Variants in TPD52 observed in about 807,000 individuals in gnomAD.
The protein encoded by TPD52 is prostate and colon associated protein.
Under a neutral mutation model 31.3 loss-of-function variants are expected in TPD52, and 17 were observed. The observed-to-expected ratio is 0.54, with a 90% CI of 0.37 to 0.82. The LOEUF (loss-of-function observed/expected upper bound fraction) is 0.82, where lower values mean the gene tolerates loss of function less well. Ranked by LOEUF, TPD52 falls within the 40% of genes least tolerant of loss-of-function variation. The pLI, the probability that TPD52 is intolerant of heterozygous loss-of-function variation, is 0.00. For missense variants in TPD52, 212 were observed against 240.1 expected (o/e 0.88, Z 0.77); for synonymous variants, 83 against 89.6 (o/e 0.93, Z 0.42).
At chr8:80,050,319 T>C (rs1363461062) in intron 5 of TPD52, 126 bp downstream of exon 5, 4 of 820,262 alleles carry the variant, frequency 4.9e-6, no homozygotes, top group Non-Finnish European at 7.3e-6. Context: ...GAGAAAAAGA[T>C]ACTCTAAACG....
At chr8:80,105,626 A>T (rs1807046611) in intron 1 of TPD52, among the ~76,000 whole-genome samples, 1 of 151,458 alleles carries the variant, frequency 6.6e-6, no homozygotes, top group Admixed American at 6.6e-5. Flanking sequence ...TCAGTGTCTG[A>T]GGGGTTTTGT....
intron 1 of TPD52, among the ~76,000 whole-genome samples, chr8:80,094,462 A>T: frequency 1.1e-5 from 1 of 87,444 alleles, no homozygotes; most frequent in East Asian, 2.7e-4. Flanking sequence ...ATATATATAT[A>T]TATATATATA....
chr8:80,038,265 CATT>C, intron 7 of TPD52, 30 bp from the exon 8 acceptor site: 1 of 1,609,568 alleles, frequency 6.2e-7, no homozygotes, highest in Non-Finnish European at 8.5e-7. Context: ...AAGGGAAAGA[CATT>C]ATGAAACATA....
chr8:80,107,372 A>G (rs1296006881), intron 1 of TPD52, among the ~76,000 whole-genome samples: 1 of 152,204 alleles, frequency 6.6e-6, no homozygotes, highest in Admixed American at 6.5e-5. Context: ...GAGAGAGAGG[A>G]AAAGGATAAG....
At chr8:80,133,430 T>A (rs185578409) in intron 1 of TPD52, among the ~76,000 whole-genome samples, 10 of 152,272 alleles carry the variant, frequency 6.6e-5, no homozygotes, top group African/African-American at 2.4e-4. Context: ...AAATTCAGAA[T>A]CAAAACTGAA....
At chr8:80,057,227 T>C (rs1436585880) in intron 2 of TPD52, among the ~76,000 whole-genome samples, 1 of 152,150 alleles carries the variant, frequency 6.6e-6, no homozygotes, top group East Asian at 1.9e-4. Flanking sequence ...CTGTACACAA[T>C]TGCTTACAGC....
chr8:80,136,065 T>C (rs1421455514), intron 1 of TPD52, among the ~76,000 whole-genome samples: 19 of 138,790 alleles, frequency 1.4e-4, no homozygotes, highest in Non-Finnish European at 2.3e-4. Flanking sequence ...CGCACCAGCA[T>C]GGCACATGTA....
chr8:80,074,902 G>A (rs1442047483), intron 1 of TPD52, among the ~76,000 whole-genome samples: 2 of 152,186 alleles, frequency 1.3e-5, no homozygotes, highest in East Asian at 3.8e-4. Flanking sequence ...GAAAAAAACT[G>A]AGAAAACTTG....
At chr8:80,151,473 T>C (rs1810562439) in intron 1 of TPD52, among the ~76,000 whole-genome samples, 1 of 152,232 alleles carries the variant, frequency 6.6e-6, no homozygotes, top group African/African-American at 2.4e-5. Context: ...ACTAAGCTCC[T>C]GCACTAGGAC....
chr8:80,080,324 G>T, intron 1 of TPD52: 1 of 1,614,086 alleles, frequency 6.2e-7, no homozygotes, highest in Non-Finnish European at 8.5e-7. Context: ...CCAAATTTCT[G>T]AAGAGTAGGT....
intron 1 of TPD52, among the ~76,000 whole-genome samples, chr8:80,161,281 T>C (rs1423889820): frequency 6.6e-6 from 1 of 152,208 alleles, no homozygotes; most frequent in Non-Finnish European, 1.5e-5. Flanking sequence ...CACAGACAGA[T>C]TTTCAGTGAT....
At chr8:80,163,782 A>C (rs1205757139) in intron 1 of TPD52, among the ~76,000 whole-genome samples, 4 of 152,184 alleles carry the variant, frequency 2.6e-5, no homozygotes, top group African/African-American at 7.2e-5. Context: ...GCTAAAATGG[A>C]ATGTAAACCT....
Position 80,050,361 on chromosome 8 carries a change from A to G in TPD52, c.413+84T>C, listed in dbSNP as rs1377421145. 2.2e-6 allele frequency: 3 copies of G among 1,358,862 alleles called. No homozygotes were observed. In the African/African-American group the frequency reaches 4.4e-5, roughly 20 times the overall value. 84.2% of individuals were successfully genotyped at this position (1,358,862 alleles called of 1,614,324 possible). ...AATTATGTACTGGACAAACACGATCATCCAACGTAGCATGGTAATCTAATC... is the reference window on the plus strand; with the variant it reads ...AATTATGTACTGGACAAACACGATCGTCCAACGTAGCATGGTAATCTAATC... On this transcript the variant is annotated intron_variant, in intron 5 of 7. Transcript: ENST00000518937.
At chr8:80,055,792 A>G (rs1586172873) in intron 2 of TPD52, among the ~76,000 whole-genome samples, 1 of 152,220 alleles carries the variant, frequency 6.6e-6, no homozygotes, top group African/African-American at 2.4e-5. Flanking sequence ...AAAATGCTCA[A>G]CATCACTAAT....
chr8:80,122,508 G>A (rs897283176), intron 1 of TPD52, among the ~76,000 whole-genome samples: 2 of 152,126 alleles, frequency 1.3e-5, no homozygotes, highest in African/African-American at 4.8e-5. Flanking sequence ...TGGGATGGAG[G>A]CAACACACAA....
chr8:80,052,241 C>T (rs112509314), intron 3 of TPD52, among the ~76,000 whole-genome samples: 8 of 152,244 alleles, frequency 5.3e-5, no homozygotes, highest in East Asian at 1.9e-4. Context: ...TCTGCTATCA[C>T]GCAAAGCTAT....
chr8:80,134,026 C>A (rs1809213726), intron 1 of TPD52, among the ~76,000 whole-genome samples: 1 of 152,134 alleles, frequency 6.6e-6, no homozygotes, highest in African/African-American at 2.4e-5. Context: ...TTTCCATATA[C>A]AGTATTCTGT....
chr8:80,086,877 CAAAAAAAAAAAAA>C lies in TPD52; in HGVS notation c.20-22297_20-22285del, dbSNP rs58864911. On this transcript the variant is annotated intron_variant, in intron 1 of 7. Coordinates refer to ENST00000518937, the MANE Select transcript of TPD52 (RefSeq NM_001025253.3). ...CAACAAGAGTGAGACGCTGTCTCAA[CAAAAAAAAAAAAA>C]AAAAAAAAAAAAAAAAAAATCAAAT... 1.6e-3 allele frequency among the ~76,000 whole-genome samples: 125 copies of C among 76,590 alleles called. 1 individual carries two copies. The highest frequency in any genetic ancestry group is 4.6e-3 in the African/African-American group (99 of 21,350). 50.2% of individuals were successfully genotyped at this position (76,590 alleles called of 152,430 possible).
chr8:80,052,990 TAA>T (rs1811521064), intron 3 of TPD52: 2 of 268,884 alleles, frequency 7.4e-6, no homozygotes, highest in Non-Finnish European at 7.1e-6. Context: ...TTCTGAGTAC[TAA>T]AGGACAAAAT....
Sources: allele counts gnomAD v4.1 joint callset (sites outside exome capture counted in the v4.1 genomes callset), GRCh38; gene constraint gnomAD v4.1.1; transcripts MANE v1.5; gene names NCBI Gene and HGNC (gene_info 2026-07-23, HGNC 2026-07-21).